SLC1A3: variants seen among roughly 807,000 people sequenced by gnomAD.
SLC1A3 encodes excitatory amino acid transporter 1.
Under a neutral mutation model 48.1 loss-of-function variants are expected in SLC1A3, and 21 were observed. That is an observed-to-expected ratio of 0.44 (90% confidence interval 0.31 to 0.63). The LOEUF (loss-of-function observed/expected upper bound fraction) is 0.63, where lower values mean the gene tolerates loss of function less well. Among genes scored for constraint, SLC1A3 ranks in the 20% least tolerant of loss-of-function variants. The pLI is 0.08. For missense variants in SLC1A3, 546 were observed against 689.0 expected (o/e 0.79, Z 2.32); for synonymous variants, 239 against 251.4 (o/e 0.95, Z 0.47).
chr5:36,601,571 A>C (rs2111630845), upstream of SLC1A3, among the ~76,000 whole-genome samples: 1 of 152,280 alleles, frequency 6.6e-6, no homozygotes, highest in Non-Finnish European at 1.5e-5. Flanking sequence ...GCACTAAGGA[A>C]TTATGGCACA....
chr5:36,637,129 A>G (rs981082219), intron 3 of SLC1A3, among the ~76,000 whole-genome samples: 9 of 152,098 alleles, frequency 5.9e-5, no homozygotes, highest in Non-Finnish European at 1.3e-4. Flanking sequence ...TTGCCTCTCC[A>G]CCATCCACTG....
At chr5:36,663,379 C>CA (rs1741595038) in intron 3 of SLC1A3, among the ~76,000 whole-genome samples, 2 of 70,186 alleles carry the variant, frequency 2.8e-5, no homozygotes, top group Admixed American at 1.4e-4. Context: ...CCACGCCCGG[C>CA]ATTTTTTTTT....
chr5:36,685,564 C>T (rs939697702), intron 9 of SLC1A3, among the ~76,000 whole-genome samples: 3 of 152,182 alleles, frequency 2.0e-5, no homozygotes, highest in Non-Finnish European at 4.4e-5. Context: ...GTGTGAGCCA[C>T]GGTGCCCGGC....
At chr5:36,683,707 CAA>C (rs11284736) in intron 8 of SLC1A3, among the ~76,000 whole-genome samples, 155 bp from the exon 9 acceptor site, 120 of 148,380 alleles carry the variant, frequency 8.1e-4, no homozygotes, top group South Asian at 1.1e-3. Context: ...GATACTGTTT[CAA>C]AAAAAAAAAA....
intron 3 of SLC1A3, among the ~76,000 whole-genome samples, chr5:36,633,753 C>A (rs1056139448): frequency 6.6e-6 from 1 of 152,202 alleles, no homozygotes; most frequent in Admixed American, 6.5e-5. Flanking sequence ...ATCCTAAAGT[C>A]AACTAGCCCA....
At chr5:36,670,908 G>A (rs767998097) in intron 3 of SLC1A3, 121 bp from the exon 4 acceptor site, 58 of 884,644 alleles carry the variant, frequency 6.6e-5, no homozygotes, top group Non-Finnish European at 1.0e-4. Context: ...CAACATGTAC[G>A]AAATCCCATG....
chr5:36,676,091 T>A (rs1178962463), intron 5 of SLC1A3, among the ~76,000 whole-genome samples: 1 of 152,178 alleles, frequency 6.6e-6, no homozygotes, highest in African/African-American at 2.4e-5. Context: ...AAAAAGACCA[T>A]CTCTTGAGTT....
At chr5:36,664,881 G>A (rs1049237700) in intron 3 of SLC1A3, among the ~76,000 whole-genome samples, 2 of 152,194 alleles carry the variant, frequency 1.3e-5, no homozygotes, top group African/African-American at 2.4e-5. Flanking sequence ...GTGTGCCAGA[G>A]AGAAGGCAAA....
intron 3 of SLC1A3, among the ~76,000 whole-genome samples, chr5:36,654,243 T>C (rs1741202489): frequency 6.6e-6 from 1 of 152,014 alleles, no homozygotes; most frequent in African/African-American, 2.4e-5. Context: ...ACAGTGAAAA[T>C]GGTTTGGGCA....
At chr5:36,611,267 T>G (rs960866168) in intron 2 of SLC1A3, among the ~76,000 whole-genome samples, 10 of 133,362 alleles carry the variant, frequency 7.5e-5, no homozygotes, top group Admixed American at 6.7e-4. Context: ...TCCTAGGTTT[T>G]TATTGCTTTT....
chr5:36,684,041 C>T, intron 9 of SLC1A3, 43 bp downstream of exon 9: 1 of 1,612,962 alleles, frequency 6.2e-7, no homozygotes, highest in Non-Finnish European at 8.5e-7. Flanking sequence ...GTCACAGGGT[C>T]CCCCTCTGTC....
At chr5:36,598,951 T>A (rs1738774249) in intron 1 of SLC1A3, among the ~76,000 whole-genome samples, 1 of 152,206 alleles carries the variant, frequency 6.6e-6, no homozygotes, top group South Asian at 2.1e-4. Context: ...ATATATATTA[T>A]TTAACTCAAT....
At chr5:36,657,222 C>A (rs557406287) in intron 3 of SLC1A3, among the ~76,000 whole-genome samples, 1 of 152,282 alleles carries the variant, frequency 6.6e-6, no homozygotes, top group South Asian at 2.1e-4. Context: ...ACAGTATTCC[C>A]ACAAAACATC....
At chr5:36,615,035 C>G (rs763396575) in intron 2 of SLC1A3, among the ~76,000 whole-genome samples, 1 of 151,984 alleles carries the variant, frequency 6.6e-6, no homozygotes, top group Non-Finnish European at 1.5e-5. Context: ...GTAATAATAC[C>G]TTTCATTTTT....
intron 6 of SLC1A3, among the ~76,000 whole-genome samples, chr5:36,677,468 T>C (rs903206663): frequency 6.6e-6 from 1 of 152,236 alleles, no homozygotes; most frequent in Non-Finnish European, 1.5e-5. Flanking sequence ...ATCTAGTTTT[T>C]CATTCAAGAC....
At position 36,608,582 on chromosome 5, in the gene SLC1A3, C is replaced by T. The variant is rs1739061273; in HGVS notation, c.159C>T (p.Leu53=). The T allele has an allele frequency of 6.2e-7, 1 of 1,613,820 alleles. No homozygotes were observed. The highest frequency in any genetic ancestry group is 8.5e-7 in the Non-Finnish European group (1 of 1,179,812). ...SYLFRNAFVL[L]TVTAVIVGTI... is the part of the protein sequence containing the mutation. ...TGTTTCGGAATGCTTTTGTGCTGCTCACAGTCACCGCTGTCATTGTGGGTG... is the reference window on the plus strand; with the variant it reads ...TGTTTCGGAATGCTTTTGTGCTGCTTACAGTCACCGCTGTCATTGTGGGTG... Residue 53 remains leucine (L), a synonymous_variant, in exon 2 of 10, where the codon CTC becomes CTT. Coordinates refer to ENST00000265113, the MANE Select transcript of SLC1A3 (RefSeq NM_004172.5).
At chr5:36,624,011 T>C (rs894475096) in intron 2 of SLC1A3, among the ~76,000 whole-genome samples, 3 of 152,142 alleles carry the variant, frequency 2.0e-5, no homozygotes, top group African/African-American at 7.2e-5. Flanking sequence ...TAGAATGTAA[T>C]AGGAAACTAG....
At chr5:36,669,071 G>A (rs934747868) in intron 3 of SLC1A3, 1 of 152,184 alleles carries the variant, frequency 6.6e-6, no homozygotes, top group African/African-American at 2.4e-5. Context: ...CTGCCGCCTG[G>A]TACTCCCTGG....
At chr5:36,641,025 C>A (rs768862001) in intron 3 of SLC1A3, among the ~76,000 whole-genome samples, 2 of 151,788 alleles carry the variant, frequency 1.3e-5, no homozygotes, top group African/African-American at 4.8e-5. Context: ...ACACCAAGAG[C>A]TGATCACTTG....
Sources: allele counts gnomAD v4.1 joint callset (sites outside exome capture counted in the v4.1 genomes callset), GRCh38; gene constraint gnomAD v4.1.1; transcripts MANE v1.5; gene names NCBI Gene and HGNC (gene_info 2026-07-23, HGNC 2026-07-21).